FAM169A: variants seen among roughly 807,000 people sequenced by gnomAD.
FAM169A encodes the protein soluble lamin-associated protein of 75 kDa.
FAM169A carries 24 observed loss-of-function variants against 75.7 expected under a neutral mutation model. The observed-to-expected ratio is 0.32, with a 90% CI of 0.23 to 0.45. The LOEUF (loss-of-function observed/expected upper bound fraction) is 0.45. FAM169A is among the 20% of genes least tolerant of loss of function. The probability of loss-of-function intolerance (pLI) is 1.00; values close to 1 mark genes in which losing one functional copy is unlikely to be tolerated. For synonymous variants in FAM169A, 271 were observed against 271.0 expected (o/e 1.00, Z 0.00); for missense variants, 673 against 784.0 (o/e 0.86, Z 1.69).
chr5:74,822,926 T>C (rs892624124), intron 5 of FAM169A, among the ~76,000 whole-genome samples: 12 of 152,138 alleles, frequency 7.9e-5, no homozygotes, highest in African/African-American at 2.9e-4. Context: ...CTACACACTA[T>C]GGAGTTACCA....
At chr5:74,811,097 ACT>A (rs1360174103) in intron 6 of FAM169A, among the ~76,000 whole-genome samples, 1 of 150,288 alleles carries the variant, frequency 6.7e-6, no homozygotes, top group East Asian at 2.0e-4. Flanking sequence ...AAATCTGGTG[ACT>A]CAGCCTTCTG....
chr5:74,805,356 A>C, intron 6 of FAM169A, 72 bp from the exon 7 acceptor site: 3 of 1,471,804 alleles, frequency 2.0e-6, no homozygotes, highest in Admixed American at 1.8e-5. Context: ...GTTGAAAAGT[A>C]AGCTTCCCAA....
chr5:74,799,181 A>C (rs1746435348), intron 10 of FAM169A: 1 of 1,170,334 alleles, frequency 8.5e-7, no homozygotes, highest in Admixed American at 1.7e-5. Context: ...TGGGCTCCCA[A>C]GCATGACCAC....
chr5:74,789,421 GC>G (rs1461671839), intron 11 of FAM169A, among the ~76,000 whole-genome samples: 1 of 152,192 alleles, frequency 6.6e-6, no homozygotes, highest in Non-Finnish European at 1.5e-5. Flanking sequence ...CAAGAAAGAG[GC>G]ACAGCACAAG....
intron 6 of FAM169A, among the ~76,000 whole-genome samples, chr5:74,810,146 A>G (rs1397282028): frequency 2.0e-5 from 3 of 152,208 alleles, no homozygotes; most frequent in Admixed American, 1.3e-4. Context: ...TAAAAAATTT[A>G]AAAAGGAATG....
Position 74,781,713 on chromosome 5 carries a change from G to A in FAM169A, c.1760C>T (p.Pro587Leu), listed in dbSNP as rs1483860612. 2 of 1,614,154 alleles carry A rather than the reference G, an allele frequency of 1.2e-6. No homozygotes were observed. Among genetic ancestry groups the A allele is most frequent in the South Asian group, 2.2e-5 (2 of 91,078 alleles). Residue 587 changes from proline to leucine, a missense_variant, in exon 13 of 13, where the codon CCT (proline) becomes CTT (leucine). This residue lies in a region of FAM169A where 510 missense variants were observed against 550.9 expected (regional missense o/e 0.93). Transcript: ENST00000687041. Reference sequence around the variant, plus strand: ...TTCAACCTCTATCAAAGAACTCTGAGGAAGAGCAGTAGATGTTTCCTGGGG... The same window carrying A: ...TTCAACCTCTATCAAAGAACTCTGAAGAAGAGCAGTAGATGTTTCCTGGGG... ...SEPQETSTAL[P>L]QSSLIEVELE...
In FAM169A at chr5:74,794,062, G is replaced by A. The variant is rs1341312381; in HGVS notation, c.1260+1968C>T. ...AAACATAAAAATATCATTTCATGAG[G>A]GTGGGTATGGTGGGTCATGCCTGTA... On this transcript the variant is annotated intron_variant, in intron 11 of 12. Coordinates refer to ENST00000687041, the MANE Select transcript of FAM169A (RefSeq NM_001376049.1). Among the ~76,000 whole-genome samples the A allele has an allele frequency of 2.0e-5, 3 of 151,634 alleles. No individual in the cohort carries two copies. In the East Asian group the frequency reaches 5.8e-4, roughly 29 times the overall value.
At position 74,780,457 on chromosome 5, in the gene FAM169A, G is replaced by A. The variant is rs1745356831; in HGVS notation, c.*1003C>T. On this transcript the variant is annotated 3_prime_UTR_variant, in exon 13 of 13. Coordinates refer to ENST00000687041, the MANE Select transcript of FAM169A (RefSeq NM_001376049.1). Reference sequence around the variant, plus strand: ...GTTACAGAAGTAGATGAAAGCTGTGGGGGAATATAAATAAGACTGTAGAAT... The same window carrying A: ...GTTACAGAAGTAGATGAAAGCTGTGAGGGAATATAAATAAGACTGTAGAAT... 6.6e-6 allele frequency: 1 copy of A among 152,158 alleles called. No homozygotes were observed. The highest frequency in any genetic ancestry group is 2.4e-5 in the African/African-American group (1 of 41,418). The allele number at this position is 152,158 out of a possible 1,614,324, so 9.4% of individuals were successfully genotyped here.
rs1265739445 is a variant in FAM169A, at chr5:74,779,939, A to G, written c.*1521T>C. The G allele has an allele frequency of 1.3e-5, 2 of 152,222 alleles. No homozygotes were observed. The highest frequency in any genetic ancestry group is 2.9e-5 in the Non-Finnish European group (2 of 68,024). 9.4% of individuals were successfully genotyped at this position (152,222 alleles called of 1,614,324 possible). On this transcript the variant is annotated 3_prime_UTR_variant, in exon 13 of 13. Coordinates refer to ENST00000687041, the MANE Select transcript of FAM169A (RefSeq NM_001376049.1). ...GACACAAAGTCTTAGTTTCTTTTGC[A>G]TAAGGATCAAGATCAAGCTATTTTT...
rs750239424 is a variant in FAM169A, at chr5:74,854,476, TTTG to T, written c.-4+11686_-4+11688del. ...TGTGTTACAAACAACCCAATCACAC[TTTG>T]TTATTTTTAAATGTAGAATACATTG... On this transcript the variant is annotated intron_variant, in intron 1 of 12. Transcript: ENST00000687041. 5.1e-4 allele frequency among the ~76,000 whole-genome samples: 78 copies of T among 152,240 alleles called. No homozygotes were observed. The South Asian group carries it at 5.6e-3, about 11-fold the overall frequency.
chr5:74,836,729 C>T (rs1748588641), intron 4 of FAM169A, among the ~76,000 whole-genome samples: 1 of 152,168 alleles, frequency 6.6e-6, no homozygotes, highest in Non-Finnish European at 1.5e-5. Flanking sequence ...AGGTGGATCA[C>T]TTGTGGTCAA....
At chr5:74,847,057 A>G (rs1314552361) in intron 1 of FAM169A, among the ~76,000 whole-genome samples, 1 of 152,134 alleles carries the variant, frequency 6.6e-6, no homozygotes, top group African/African-American at 2.4e-5. Flanking sequence ...ACTATATAAT[A>G]TTTTTCTCAA....
At chr5:74,792,726 T>C (rs931947301) in intron 11 of FAM169A, among the ~76,000 whole-genome samples, 2 of 152,148 alleles carry the variant, frequency 1.3e-5, no homozygotes, top group Non-Finnish European at 2.9e-5. Context: ...ATCTTACCCC[T>C]GTAAGTATGG....
chr5:74,846,546 C>G (rs1329325163), intron 1 of FAM169A, among the ~76,000 whole-genome samples: 1 of 152,102 alleles, frequency 6.6e-6, no homozygotes, highest in Non-Finnish European at 1.5e-5. Context: ...TAAATACGCA[C>G]GTTATTTTAG....
chr5:74,809,149 AAATAAAG>A (rs1273018639), intron 6 of FAM169A, among the ~76,000 whole-genome samples: 1 of 152,222 alleles, frequency 6.6e-6, no homozygotes, highest in Non-Finnish European at 1.5e-5. Flanking sequence ...CAAATGGGAC[AAATAAAG>A]AATAAACAGT....
chr5:74,792,379 G>A (rs1746020225), intron 11 of FAM169A, among the ~76,000 whole-genome samples: 1 of 152,128 alleles, frequency 6.6e-6, no homozygotes, highest in South Asian at 2.1e-4. Flanking sequence ...AGCATGGCCA[G>A]AATAAAAAGC....
chr5:74,803,012 A>T lies in FAM169A; in HGVS notation c.913-1383T>A, dbSNP rs542023057. Among the ~76,000 whole-genome samples, 3 of 152,278 alleles carry T rather than the reference A, an allele frequency of 2.0e-5. No homozygotes were observed. The South Asian group carries it at 6.2e-4, about 32-fold the overall frequency. On this transcript the variant is annotated intron_variant, in intron 8 of 12. Transcript: ENST00000687041. ...TATTTGTGGCTACTAACAAAAAGAG[A>T]TATAAATAGTTTAATATGATAAACA...
At position 74,866,368 on chromosome 5, in the gene FAM169A, C is replaced by T; in HGVS notation, c.-207G>A. On this transcript the variant is annotated 5_prime_UTR_variant, in exon 1 of 13. Coordinates refer to ENST00000687041, the MANE Select transcript of FAM169A (RefSeq NM_001376049.1). ...CGGGTCGGCCGCGGCCCACCGTGCC[C>T]TCCGACGACGTGACGCACTAGCGCC... 8 of 984,416 alleles carry T rather than the reference C, an allele frequency of 8.1e-6. No individual in the cohort carries two copies. The highest frequency in any genetic ancestry group is 4.7e-5 in the South Asian group (1 of 21,296). 61.0% of individuals were successfully genotyped at this position (984,416 alleles called of 1,614,324 possible). A position where few individuals can be genotyped will look rare whatever the true frequency, so the allele number is the denominator to read the frequency against.
chr5:74,844,352 C>T (rs1359788909), intron 1 of FAM169A, among the ~76,000 whole-genome samples: 1 of 151,950 alleles, frequency 6.6e-6, no homozygotes, highest in African/African-American at 2.4e-5. Context: ...GTCCCAGCTA[C>T]TCAGGAGGCT....
Sources: allele counts gnomAD v4.1 joint callset (sites outside exome capture counted in the v4.1 genomes callset), GRCh38; gene constraint gnomAD v4.1.1; regional missense constraint gnomAD v4.1.1; transcripts MANE v1.5; gene names NCBI Gene and HGNC (gene_info 2026-07-23, HGNC 2026-07-21).